TRMO: variants seen among roughly 807,000 people sequenced by gnomAD.
TRMO encodes tRNA (adenine(37)-N6)-methyltransferase.
A neutral mutation model predicts 37.2 loss-of-function variants in TRMO; 30 were observed. That is an observed-to-expected ratio of 0.81 (90% CI 0.60 to 1.09). TRMO has a LOEUF of 1.09. Ranked by LOEUF, TRMO falls within the 50% of genes least tolerant of loss-of-function variation. The probability of loss-of-function intolerance (pLI) is 0.00; values close to 1 mark genes in which losing one functional copy is unlikely to be tolerated. For missense variants in TRMO, 552 were observed against 549.5 expected (o/e 1.00, Z -0.05); for synonymous variants, 239 against 199.4 (o/e 1.20, Z -1.67).
At chr9:97,921,711 GCTGCGCC>G (rs1187073908) in intron 1 of TRMO, among the ~76,000 whole-genome samples, 1 of 152,046 alleles carries the variant, frequency 6.6e-6, no homozygotes, top group African/African-American at 2.4e-5. Context: ...GGCATGAGCC[GCTGCGCC>G]CGGCCCAAAG....
In TRMO at chr9:97,916,490, A is replaced by G. The variant is rs186533118; in HGVS notation, c.77-152T>C. 1,296 of 603,634 alleles carry G rather than the reference A, an allele frequency of 2.1e-3. 3 individuals carry two copies. Among genetic ancestry groups the G allele is most frequent in the Middle Eastern group, 5.9e-3 (14 of 2,360 alleles). The allele number at this position is 603,634 out of a possible 1,614,324, so 37.4% of individuals were successfully genotyped here. A position where few individuals can be genotyped will look rare whatever the true frequency, so the allele number is the denominator to read the frequency against. ...ATTTTTATAGTATTCATGAATACGTATAAGTATTCTCATCATTACATACAC... is the reference window on the plus strand; with the variant it reads ...ATTTTTATAGTATTCATGAATACGTGTAAGTATTCTCATCATTACATACAC... On this transcript the variant is annotated intron_variant, in intron 1 of 4. Coordinates refer to ENST00000375119, the MANE Select transcript of TRMO (RefSeq NM_016481.5).
intron 3 of TRMO, chr9:97,911,092 T>C (rs1826104615): frequency 6.0e-6 from 2 of 335,192 alleles, no homozygotes; most frequent in Non-Finnish European, 1.2e-5. Flanking sequence ...ATGAAGGTTC[T>C]TACTGTGGCA....
chr9:97,920,669 G>C (rs1267936927), intron 1 of TRMO, among the ~76,000 whole-genome samples: 1 of 152,026 alleles, frequency 6.6e-6, no homozygotes, highest in African/African-American at 2.4e-5. Flanking sequence ...ATCAATGTGG[G>C]GTTTTTTGTG....
At chr9:97,906,341 T>C (rs1002991389) in intron 4 of TRMO, among the ~76,000 whole-genome samples, 4 of 151,982 alleles carry the variant, frequency 2.6e-5, no homozygotes, top group African/African-American at 9.7e-5. Flanking sequence ...CTTCCCCCAA[T>C]TCCCTGCCTA....
Position 97,904,855 on chromosome 9 carries a change from C to G in TRMO, c.1204G>C (p.Asp402His). 5 of 1,614,212 alleles carry G rather than the reference C, an allele frequency of 3.1e-6. No homozygotes were observed. Among genetic ancestry groups the G allele is most frequent in the Non-Finnish European group, 3.4e-6 (4 of 1,180,046 alleles). Residue 402 changes from aspartate (D) to histidine (H), a missense_variant, in exon 5 of 5, where the codon GAC (aspartate) becomes CAC (histidine). Transcript: ENST00000375119. ...CQDRLFYFTV[D>H]IAHVTCWFGD... is the part of the protein sequence containing the mutation. ...AACCAGCAAGTGACATGCGCTATGTCTACAGTAAAGTAGAAAAGGCGGTCC... is the reference window on the plus strand; with the variant it reads ...AACCAGCAAGTGACATGCGCTATGTGTACAGTAAAGTAGAAAAGGCGGTCC...
At position 97,908,139 on chromosome 9, in the gene TRMO, A is replaced by G. The variant is rs568074410; in HGVS notation, c.1066+1821T>C. On this transcript the variant is annotated intron_variant, in intron 4 of 4. Transcript: ENST00000375119. ...TTTAAAAATTCAAAATAGGTTGGGC[A>G]CGGTGGCTCACACCTGTAATCTGGA... 6.3e-3 allele frequency among the ~76,000 whole-genome samples: 955 copies of G among 152,192 alleles called. 7 individuals carry two copies. The highest frequency in any genetic ancestry group is 8.9e-3 in the Non-Finnish European group (604 of 67,986).
At chr9:97,899,805 G>A (rs1831126770), downstream of TRMO, among the ~76,000 whole-genome samples, 1 of 152,054 alleles carries the variant, frequency 6.6e-6, no homozygotes, top group African/African-American at 2.4e-5. Flanking sequence ...GAGGTGAAAA[G>A]ATAGTTTGAG....
At chr9:97,912,836 G>C (rs140152141) in intron 3 of TRMO, 1 of 932,878 alleles carries the variant, frequency 1.1e-6, no homozygotes, top group African/African-American at 1.7e-5. Context: ...GGTTATATAC[G>C]AACACACAGT....
At chr9:97,908,411 CAA>C (rs34633871) in intron 4 of TRMO, among the ~76,000 whole-genome samples, 130 of 98,772 alleles carry the variant, frequency 1.3e-3, no homozygotes, top group African/African-American at 2.3e-3. Context: ...GACTCCGTCT[CAA>C]AAAAAAAAAA....
intron 3 of TRMO, chr9:97,910,879 T>A (rs1260873715): frequency 1.7e-6 from 1 of 573,898 alleles, no homozygotes; most frequent in Non-Finnish European, 3.2e-6. Flanking sequence ...ACAAAAGCAT[T>A]CTTTCCTACA....
chr9:97,918,063 TATA>T (rs1381581632), intron 1 of TRMO, among the ~76,000 whole-genome samples: 1 of 151,868 alleles, frequency 6.6e-6, no homozygotes, highest in African/African-American at 2.4e-5. Context: ...TCGTAATTTC[TATA>T]ATATTTGAAG....
chr9:97,904,358 A>G, downstream of TRMO: 1 of 409,196 alleles, frequency 2.4e-6, no homozygotes, highest in Non-Finnish European at 3.4e-6. Context: ...AGGCTTTTCC[A>G]GACAGACAGG....
At position 97,913,255 on chromosome 9, in the gene TRMO, C is replaced by T. The variant is rs771584011; in HGVS notation, c.409+146G>A. 6.6e-6 allele frequency: 6 copies of T among 909,856 alleles called. 1 individual carries two copies. The highest frequency in any genetic ancestry group is 5.3e-6 in the Non-Finnish European group (3 of 568,154). The allele number at this position is 909,856 out of a possible 1,614,324, so 56.4% of individuals were successfully genotyped here. On this transcript the variant is annotated intron_variant, in intron 3 of 4. Coordinates refer to ENST00000375119, the MANE Select transcript of TRMO (RefSeq NM_016481.5). ...TTTTCAATGCTAACATTCTTTTAATCATTGTATTTTCTTCAATGTCTGGTG... is the reference window on the plus strand; with the variant it reads ...TTTTCAATGCTAACATTCTTTTAATTATTGTATTTTCTTCAATGTCTGGTG...
intron 1 of TRMO, among the ~76,000 whole-genome samples, chr9:97,919,144 T>C (rs1826502722): frequency 6.6e-6 from 1 of 152,130 alleles, no homozygotes; most frequent in African/African-American, 2.4e-5. Context: ...TCCTCATCCA[T>C]GCTTCTATGG....
chr9:97,910,751 C>T (rs1264590593), intron 3 of TRMO, 135 bp from the exon 4 acceptor site: 17 of 963,964 alleles, frequency 1.8e-5, no homozygotes, highest in Non-Finnish European at 2.4e-5. Context: ...GACCTAGTAC[C>T]AACACACACC....
In TRMO at chr9:97,920,437, T is replaced by C. The variant is rs139163619; in HGVS notation, c.76+1981A>G. Among the ~76,000 whole-genome samples, 59 of 152,334 alleles carry C rather than the reference T, an allele frequency of 3.9e-4. No homozygotes were observed. The East Asian group carries it at 5.2e-3, about 13-fold the overall frequency. ...GGCCACTACACTAGCTGTGTGACCATGGGAAAAACTAGCTTCTCTCTCTGA... is the reference window on the plus strand; with the variant it reads ...GGCCACTACACTAGCTGTGTGACCACGGGAAAAACTAGCTTCTCTCTCTGA... On this transcript the variant is annotated intron_variant, in intron 1 of 4. Transcript: ENST00000375119.
At chr9:97,901,298 C>T (rs556376137), downstream of TRMO, among the ~76,000 whole-genome samples, 1 of 152,236 alleles carries the variant, frequency 6.6e-6, no homozygotes, top group Non-Finnish European at 1.5e-5. Context: ...GAAACCACAA[C>T]TTTGCTTGTT....
In TRMO at chr9:97,904,708, A is replaced by C; in HGVS notation, c.*25T>G. On this transcript the variant is annotated 3_prime_UTR_variant, in exon 5 of 5. Coordinates refer to ENST00000375119, the MANE Select transcript of TRMO (RefSeq NM_016481.5). ...GCCACATCCAAAGATCAATGATGCTACCTTAAAGACATGAGGGAGGCTCCT... is the reference window on the plus strand; with the variant it reads ...GCCACATCCAAAGATCAATGATGCTCCCTTAAAGACATGAGGGAGGCTCCT... The C allele has an allele frequency of 6.2e-7, 1 of 1,611,404 alleles. No individual in the cohort carries two copies. Among genetic ancestry groups the C allele is most frequent in the Non-Finnish European group, 8.5e-7 (1 of 1,178,994 alleles).
Position 97,910,439 on chromosome 9 carries a change from T to C in TRMO, c.587A>G (p.Asp196Gly). ...TGAGAGCTGTCGCTGGTCACAGCTG[T>C]CAGTCTTGCTGTCAGACTGGGACAC... is the stretch of plus-strand genomic sequence containing the variant. ...NTVSQSDSKT[D>G]SCDQRQLSGC... The change falls in exon 4 of 5, where the codon GAC (aspartate) becomes GGC (glycine). Residue 196 changes from aspartate to glycine, a missense_variant. Coordinates refer to ENST00000375119, the MANE Select transcript of TRMO (RefSeq NM_016481.5). The C allele has an allele frequency of 1.2e-6, 2 of 1,614,120 alleles. No homozygotes were observed. Among genetic ancestry groups the C allele is most frequent in the Non-Finnish European group, 1.7e-6 (2 of 1,179,942 alleles).
Sources: gnomAD v4.1 joint callset for allele counts (sites outside exome capture counted in the v4.1 genomes callset) on GRCh38, gnomAD v4.1.1 for gene constraint, MANE v1.5 for transcripts, NCBI Gene and HGNC (gene_info 2026-07-23, HGNC 2026-07-21) for gene names.